PGPEP1: variants seen among roughly 807,000 people sequenced by gnomAD.
PGPEP1 encodes pyroglutamyl-peptidase 1.
Under a neutral mutation model 24.1 loss-of-function variants are expected in PGPEP1, and 15 were observed. The ratio of observed to expected loss-of-function variants is 0.62; its 90% CI spans 0.42 to 0.96. The LOEUF is 0.96. PGPEP1 is among the 40% of genes least tolerant of loss of function. The pLI, the probability that PGPEP1 is intolerant of heterozygous loss-of-function variation, is 0.00. For synonymous variants in PGPEP1, 122 were observed against 116.4 expected, an observed-to-expected ratio of 1.05 and a Z score of -0.31; for missense variants, 242 against 273.4, an observed-to-expected ratio of 0.89 and a Z score of 0.81.
rs990139672 is a variant in PGPEP1, at chr19:18,349,971, G to A, written c.88-5924G>A. 3.3e-5 allele frequency among the ~76,000 whole-genome samples: 5 copies of A among 152,006 alleles called. No homozygotes were observed. The South Asian group carries it at 6.2e-4, about 19-fold the overall frequency. The stretch of plus-strand genomic sequence containing the variant: ...TCAAACTCCTGGCCTCAAGTGGTCC[G>A]CCCCAGTAGCTGGGATTACAGGCAT... On this transcript the variant is annotated intron_variant, in intron 2 of 4. Coordinates refer to ENST00000269919, the MANE Select transcript of PGPEP1 (RefSeq NM_017712.4).
chr19:18,355,481 G>A (rs1440349835), intron 2 of PGPEP1, among the ~76,000 whole-genome samples: 2 of 151,454 alleles, frequency 1.3e-5, no homozygotes, highest in African/African-American at 4.9e-5. Flanking sequence ...GACTGGTCTC[G>A]AACTCCTGAC....
Position 18,363,665 on chromosome 19 carries a change from A to G in PGPEP1, c.*82A>G. On this transcript the variant is annotated 3_prime_UTR_variant, in exon 5 of 5. Transcript: ENST00000269919. ...CACCCTCTGGGGTGTGGCCAGGAAA[A>G]GACAAGCTCTTCAGCTTGGGGATCC... 1 of 1,017,038 alleles carries G rather than the reference A, an allele frequency of 9.8e-7. No individual in the cohort carries two copies. Among genetic ancestry groups the G allele is most frequent in the Non-Finnish European group, 1.4e-6 (1 of 690,558 alleles). The allele number at this position is 1,017,038 out of a possible 1,614,324, so 63.0% of individuals were successfully genotyped here.
In PGPEP1 at chr19:18,365,320, G is replaced by T. The variant is rs1462771383; in HGVS notation, c.*1737G>T. 1 of 152,180 alleles carries T rather than the reference G, an allele frequency of 6.6e-6. No homozygotes were observed. The highest frequency in any genetic ancestry group is 2.4e-5 in the African/African-American group (1 of 41,396). 9.4% of individuals were successfully genotyped at this position (152,180 alleles called of 1,614,324 possible). A position where few individuals can be genotyped will look rare whatever the true frequency, so the allele number is the denominator to read the frequency against. The stretch of plus-strand genomic sequence containing the variant: ...GACACAGTTGGAATCTAATCTTGTT[G>T]GTTTCCCAACATCTAGGTTTTTGTT... On this transcript the variant is annotated 3_prime_UTR_variant, in exon 5 of 5. Coordinates refer to ENST00000269919, the MANE Select transcript of PGPEP1 (RefSeq NM_017712.4).
Position 18,357,444 on chromosome 19 carries a change from A to C in PGPEP1, c.266A>C (p.His89Pro), listed in dbSNP as rs746428274. ...ACAGTCACACTGGAGAAATGTGGACACAACAAGGGCTACAAGGGGCTGGAC... is the reference window on the plus strand; with the variant it reads ...ACAGTCACACTGGAGAAATGTGGACCCAACAAGGGCTACAAGGGGCTGGAC... ...ATTVTLEKCG[H>P]NKGYKGLDNC... Residue 89 changes from histidine to proline, a missense_variant, in exon 4 of 5, where the codon CAC (histidine) becomes CCC (proline). His to Pro is a moderately conservative substitution (Grantham distance 77, BLOSUM62 -2). Coordinates refer to ENST00000269919, the MANE Select transcript of PGPEP1 (RefSeq NM_017712.4). 6.8e-6 allele frequency: 11 copies of C among 1,613,968 alleles called. No individual in the cohort carries two copies. Among genetic ancestry groups the C allele is most frequent in the Non-Finnish European group, 9.3e-6 (11 of 1,180,016 alleles).
In PGPEP1 at chr19:18,363,400, CG is replaced by C; in HGVS notation, c.448del (p.Asp150ThrfsTer36). Reference protein sequence around the residue: ...ISQDAGRYLCDFTYYTSLYQS... With the variant: ...ISQDAGRYLCXFTYYTSLYQS... ...ACGCCCTGCGGCTTAGATATCTCTG[CG>C]ACTTTACCTACTACACCTCTTTGTA... On this transcript the variant is annotated frameshift_variant, in exon 5 of 5. Transcript: ENST00000269919. LOFTEE classifies it high-confidence loss of function. 6.2e-7 allele frequency: 1 copy of C among 1,607,476 alleles called. No homozygotes were observed. Among genetic ancestry groups the C allele is most frequent in the South Asian group, 1.1e-5 (1 of 90,962 alleles).
chr19:18,353,163 C>G (rs182280950), intron 2 of PGPEP1, among the ~76,000 whole-genome samples: 17 of 152,220 alleles, frequency 1.1e-4, no homozygotes, highest in African/African-American at 3.9e-4. Flanking sequence ...AGGTGATCCA[C>G]CCACCTCAGC....
intron 1 of PGPEP1, among the ~76,000 whole-genome samples, chr19:18,341,339 CCCCTGCTGTCA>C (rs1301527588): frequency 3.3e-5 from 5 of 152,160 alleles, no homozygotes; most frequent in Admixed American, 3.3e-4. Flanking sequence ...TGAGTCAGGG[CCCCTGCTGTCA>C]CCGACTCCCC....
chr19:18,364,480 GATGA>G lies in PGPEP1; in HGVS notation c.*898_*901del, dbSNP rs1971469416. ...AATACAAAAATTAGCCGGGCATGGT[GATGA>G]GTGCCTGTAGTCCCAGCTACTCGGG... On this transcript the variant is annotated 3_prime_UTR_variant, in exon 5 of 5. Transcript: ENST00000269919. The G allele has an allele frequency of 6.6e-6, 1 of 152,248 alleles. No homozygotes were observed. Among genetic ancestry groups the G allele is most frequent in the Non-Finnish European group, 1.5e-5 (1 of 68,104 alleles). The allele number at this position is 152,248 out of a possible 1,614,324, so 9.4% of individuals were successfully genotyped here. A position where few individuals can be genotyped will look rare whatever the true frequency, so the allele number is the denominator to read the frequency against.
At chr19:18,358,214 C>G (rs916371665) in intron 4 of PGPEP1, 1 of 155,666 alleles carries the variant, frequency 6.4e-6, no homozygotes, top group Non-Finnish European at 1.4e-5. Context: ...TATTAGGACA[C>G]CAGTCATTAT....
At chr19:18,361,766 C>G in intron 4 of PGPEP1, 1 of 985,346 alleles carries the variant, frequency 1.0e-6, no homozygotes, top group Non-Finnish European at 1.2e-6. Context: ...ATATACATCA[C>G]TTGGCCTGCT....
intron 2 of PGPEP1, 91 bp downstream of exon 2, chr19:18,343,002 A>C: frequency 3.2e-6 from 3 of 951,992 alleles, no homozygotes; most frequent in Non-Finnish European, 4.9e-6. Context: ...TTTAACAAAA[A>C]CTTTTTTTTT....
intron 2 of PGPEP1, chr19:18,349,000 T>C: frequency 9.7e-6 from 5 of 517,862 alleles, no homozygotes; most frequent in Non-Finnish European, 1.2e-5. Context: ...CGGGCTCAAA[T>C]GATCCTTCCA....
chr19:18,360,355 T>A lies in PGPEP1; in HGVS notation c.437+2740T>A, dbSNP rs1343259686. Among the ~76,000 whole-genome samples the A allele has an allele frequency of 2.6e-5, 4 of 151,980 alleles. No individual in the cohort carries two copies. The East Asian group carries it at 7.7e-4, about 29-fold the overall frequency. On this transcript the variant is annotated intron_variant, in intron 4 of 4. Transcript: ENST00000269919. ...TCTTTTTTAATTGAAAACTAATTGT[T>A]ATTTAGTTGTTTATTTATTTTGACA... is the stretch of plus-strand genomic sequence containing the variant.
intron 2 of PGPEP1, among the ~76,000 whole-genome samples, chr19:18,348,570 C>T (rs1236707442): frequency 5.3e-5 from 8 of 152,066 alleles, no homozygotes; most frequent in African/African-American, 1.9e-4. Context: ...GAGAACCATC[C>T]AACCCTTTTG....
chr19:18,364,865 C>T lies in PGPEP1; in HGVS notation c.*1282C>T, dbSNP rs4072287. The T allele has an allele frequency of 6.7e-6, 1 of 149,244 alleles. No individual in the cohort carries two copies. Among genetic ancestry groups the T allele is most frequent in the Admixed American group, 6.7e-5 (1 of 14,860 alleles). 9.2% of individuals were successfully genotyped at this position (149,244 alleles called of 1,614,324 possible). A position where few individuals can be genotyped will look rare whatever the true frequency, so the allele number is the denominator to read the frequency against. On this transcript the variant is annotated 3_prime_UTR_variant, in exon 5 of 5. Transcript: ENST00000269919. ...ATGTAAAACTCCACATCAGCGGAAA[C>T]CCCCCCCTACTTCTGGCCTGGAGCT...
At chr19:18,362,349 G>A (rs1971367811) in intron 4 of PGPEP1, among the ~76,000 whole-genome samples, 1 of 151,232 alleles carries the variant, frequency 6.6e-6, no homozygotes. Context: ...GAAGGTTGGA[G>A]TGAGCCAAGA....
chr19:18,342,730 C>T (rs965504430), intron 1 of PGPEP1, 129 bp from the exon 2 acceptor site: 21 of 710,290 alleles, frequency 3.0e-5, no homozygotes, highest in Non-Finnish European at 4.7e-5. Flanking sequence ...ACCAGGCCCC[C>T]AATGTTGTCC....
Position 18,358,735 on chromosome 19 carries a change from C to T in PGPEP1, c.437+1120C>T, listed in dbSNP as rs556136029. On this transcript the variant is annotated intron_variant, in intron 4 of 4. Coordinates refer to ENST00000269919, the MANE Select transcript of PGPEP1 (RefSeq NM_017712.4). ...GCTCAAACAATTCTTCTGCTCCAGG[C>T]TACCAAGTAGCTGGGATTACAGGCG... 3.2e-3 allele frequency among the ~76,000 whole-genome samples: 482 copies of T among 152,096 alleles called. 3 individuals are homozygous for T. The highest frequency in any genetic ancestry group is 9.4e-3 in the African/African-American group (391 of 41,516).
intron 4 of PGPEP1, among the ~76,000 whole-genome samples, chr19:18,358,894 G>T (rs1971267885): frequency 6.6e-6 from 1 of 152,140 alleles, no homozygotes; most frequent in African/African-American, 2.4e-5. Context: ...GGGATTATAG[G>T]CATGAGCCAC....
Sources: gnomAD v4.1 joint callset for allele counts (sites outside exome capture counted in the v4.1 genomes callset) on GRCh38, gnomAD v4.1.1 for gene constraint, MANE v1.5 for transcripts, NCBI Gene and HGNC (gene_info 2026-07-23, HGNC 2026-07-21) for gene names.